Variants in KNDC1 observed in about 807,000 individuals in gnomAD.
The protein encoded by KNDC1 is kinase non-catalytic C-lobe domain containing 1.
KNDC1 carries 106 observed loss-of-function variants against 172.8 expected under a neutral mutation model. The ratio of observed to expected loss-of-function variants is 0.61; its 90% CI spans 0.52 to 0.72. The LOEUF (loss-of-function observed/expected upper bound fraction) is 0.72, where lower values mean the gene tolerates loss of function less well. Ranked by LOEUF, KNDC1 falls within the 30% of genes least tolerant of loss-of-function variation. The pLI is 0.00. For missense variants in KNDC1, 2,325 were observed against 2,394.5 expected (o/e 0.97, Z 0.61); for synonymous variants, 1,083 against 1,062.2 (o/e 1.02, Z -0.38).
In KNDC1 at chr10:133,160,290, C is replaced by T. The variant is rs1468142079; in HGVS notation, c.-178C>T. ...CAGCCCCCGCGCACCCCGCGCCCCC[C>T]GCGCCCCCCGGGCCCGCCCCGTATC... On this transcript the variant is annotated 5_prime_UTR_variant, in exon 1 of 30. Coordinates refer to ENST00000304613, the MANE Select transcript of KNDC1 (RefSeq NM_152643.8). Among the ~76,000 whole-genome samples the T allele has an allele frequency of 6.7e-6, 1 of 150,050 alleles. No individual in the cohort carries two copies. Among genetic ancestry groups the T allele is most frequent in the African/African-American group, 2.4e-5 (1 of 41,188 alleles).
At chr10:133,183,282 G>A (rs1853778701) in intron 3 of KNDC1, 62 bp from the exon 4 acceptor site, 1 of 1,487,768 alleles carries the variant, frequency 6.7e-7, no homozygotes, top group Admixed American at 2.3e-5. Context: ...GAGAAGTGCT[G>A]GCCGCGGTCG....
In KNDC1 at chr10:133,167,058, G is replaced by C. The variant is rs886979316; in HGVS notation, c.103-323G>C. On this transcript the variant is annotated intron_variant, in intron 1 of 29. Coordinates refer to ENST00000304613, the MANE Select transcript of KNDC1 (RefSeq NM_152643.8). ...AGGCCAGTCCAGCCGTGAGCCTGCG[G>C]GGTCGGGGTGCTCCACGGAGCAGGT... 20 of 415,750 alleles carry C rather than the reference G, an allele frequency of 4.8e-5. 1 individual carries two copies. In the South Asian group the frequency reaches 5.2e-4, roughly 11 times the overall value. The allele number at this position is 415,750 out of a possible 1,614,324, so 25.8% of individuals were successfully genotyped here.
chr10:133,168,255 C>T lies in KNDC1; in HGVS notation c.303C>T (p.Asp101=), dbSNP rs770540856. The T allele has an allele frequency of 3.5e-5, 56 of 1,613,916 alleles. No individual in the cohort carries two copies. In the South Asian group the frequency reaches 3.5e-4, roughly 10 times the overall value. The change falls in exon 3 of 30, where the codon GAC becomes GAT. Residue 101 remains aspartate, a splice_region_variant and synonymous_variant. Transcript: ENST00000304613. ...GNVCFMEQLS[D]DPEGAFVPPE... ...CTCCTTCTCTCTCTCCTCCCCAAGA[C>T]GACCCTGAGGGTGCCTTCGTTCCCC...
At chr10:133,178,185 G>A (rs771831863) in intron 3 of KNDC1, among the ~76,000 whole-genome samples, 6 of 151,866 alleles carry the variant, frequency 4.0e-5, no homozygotes, top group Non-Finnish European at 7.4e-5. Context: ...TAGCATGCAT[G>A]TGTGTGCAGT....
intron 11 of KNDC1, 27 bp from the exon 12 acceptor site, chr10:133,197,648 G>C: frequency 6.3e-7 from 1 of 1,577,406 alleles, no homozygotes; most frequent in Non-Finnish European, 8.7e-7. Flanking sequence ...GTGGTCACCT[G>C]GCCCAGGGCT....
intron 9 of KNDC1, among the ~76,000 whole-genome samples, chr10:133,194,563 C>G (rs1448916836): frequency 6.6e-6 from 1 of 152,116 alleles, no homozygotes; most frequent in Non-Finnish European, 1.5e-5. Flanking sequence ...GTAACAAGTG[C>G]TCAAAATGGG....
At chr10:133,190,291 G>A (rs111982175) in intron 9 of KNDC1, among the ~76,000 whole-genome samples, 4 of 133,692 alleles carry the variant, frequency 3.0e-5, no homozygotes, top group Admixed American at 7.0e-5. Context: ...AGCACCCTGC[G>A]CTAACCACCC....
chr10:133,223,948 TGTGA>T (rs145009394), intron 29 of KNDC1, among the ~76,000 whole-genome samples: 5,879 of 133,898 alleles, frequency 0.044, 342 homozygotes, highest in South Asian at 0.13. Flanking sequence ...TGTGTGTGTG[TGTGA>T]GCCCATCCAG....
intron 3 of KNDC1, 43 bp from the exon 4 acceptor site, chr10:133,183,301 C>T: frequency 6.5e-7 from 1 of 1,538,852 alleles, no homozygotes. Flanking sequence ...CGGGGTGGCG[C>T]ACACGCAGAG....
chr10:133,210,978 C>T (rs2136020482), intron 21 of KNDC1, among the ~76,000 whole-genome samples: 1 of 152,186 alleles, frequency 6.6e-6, no homozygotes, highest in Non-Finnish European at 1.5e-5. Context: ...GAGTCGGGGT[C>T]TCTTCCTGCT....
At position 133,163,249 on chromosome 10, in the gene KNDC1, G is replaced by A. The variant is rs749922837; in HGVS notation, c.102+2680G>A. Among the ~76,000 whole-genome samples the A allele has an allele frequency of 2.7e-4, 41 of 152,152 alleles. No homozygotes were observed. Among genetic ancestry groups the A allele is most frequent in the Non-Finnish European group, 5.6e-4 (38 of 68,036 alleles). ...ACCGGTTTGGGTGCCAGAGCAGGACGTGTCCCGGGTCCCTGAGAGGCAGGC... is the reference window on the plus strand; with the variant it reads ...ACCGGTTTGGGTGCCAGAGCAGGACATGTCCCGGGTCCCTGAGAGGCAGGC... On this transcript the variant is annotated intron_variant, in intron 1 of 29. Transcript: ENST00000304613. The surrounding 1 kb of genome is among the most constrained non-coding windows in gnomAD (Gnocchi z 4.4).
At position 133,198,932 on chromosome 10, in the gene KNDC1, CG is replaced by C; in HGVS notation, c.2429del (p.Gly810AlafsTer108). 1 of 1,561,996 alleles carries C rather than the reference CG, an allele frequency of 6.4e-7. No individual in the cohort carries two copies. Among genetic ancestry groups the C allele is most frequent in the South Asian group, 1.2e-5 (1 of 86,138 alleles). On this transcript the variant is annotated frameshift_variant, in exon 14 of 30. Transcript: ENST00000304613. LOFTEE classifies it high-confidence loss of function. ...AEPIPPGVASGGLRPDALGPT... is the reference protein window; with the variant it reads ...AEPIPPGVASXGLRPDALGPT... ...AGCCGATCCCACCTGGAGTTGCTTC[CG>C]GGGGCCTCAGGCCCGACGCCCTGGG...
intron 3 of KNDC1, among the ~76,000 whole-genome samples, chr10:133,171,604 C>A (rs748152159): frequency 6.6e-6 from 1 of 151,124 alleles, no homozygotes; most frequent in Non-Finnish European, 1.5e-5. Flanking sequence ...TTACATTTTT[C>A]TGTTTGTTTG....
chr10:133,188,700 T>A, intron 7 of KNDC1, 47 bp downstream of exon 7: 2 of 649,062 alleles, frequency 3.1e-6, no homozygotes, highest in Non-Finnish European at 4.1e-6. Context: ...CACCCCCCAC[T>A]GCTGTTCCAC....
At chr10:133,223,422 TGA>T (rs1379820349) in intron 29 of KNDC1, among the ~76,000 whole-genome samples, 1 of 20,958 alleles carries the variant, frequency 4.8e-5, no homozygotes, top group Non-Finnish European at 1.3e-4. Context: ...TGTGTGTGTG[TGA>T]GAGCCCATCC....
chr10:133,184,850 A>G (rs907605159), intron 5 of KNDC1, among the ~76,000 whole-genome samples: 2 of 152,254 alleles, frequency 1.3e-5, no homozygotes, highest in African/African-American at 2.4e-5. Flanking sequence ...GCATTTCAAT[A>G]AACGGATGGG....
chr10:133,167,414 CG>C lies in KNDC1; in HGVS notation c.139del (p.Asp47ThrfsTer68). ...GTCTCTGGCTGACATCCTCTCCCTG[CG>C]GGACCGCGGCCTCAGCGAGCAGGAA... ...NVSLADILSL[R>X]DRGLSEQEAW... is the part of the protein sequence containing the mutation. On this transcript the variant is annotated frameshift_variant, in exon 2 of 30. Coordinates refer to ENST00000304613, the MANE Select transcript of KNDC1 (RefSeq NM_152643.8). LOFTEE classifies it high-confidence loss of function. 1 of 1,600,126 alleles carries C rather than the reference CG, an allele frequency of 6.2e-7. No homozygotes were observed. Among genetic ancestry groups the C allele is most frequent in the Non-Finnish European group, 8.5e-7 (1 of 1,175,066 alleles).
chr10:133,179,093 C>G (rs1853640364), intron 3 of KNDC1: 1 of 152,250 alleles, frequency 6.6e-6, no homozygotes. Flanking sequence ...ATTCGCACGT[C>G]TTTGATGGGA....
chr10:133,202,664 T>C (rs1465274179), intron 17 of KNDC1: 1 of 456,542 alleles, frequency 2.2e-6, no homozygotes, highest in African/African-American at 2.0e-5. Flanking sequence ...CTGGGGCTCC[T>C]CCTTGCTCCT....
Sources: gnomAD v4.1 joint callset for allele counts (sites outside exome capture counted in the v4.1 genomes callset) on GRCh38, gnomAD v4.1.1 for gene constraint, Gnocchi (gnomAD v3.1) non-coding constraint, MANE v1.5 for transcripts, NCBI Gene and HGNC (gene_info 2026-07-23, HGNC 2026-07-21) for gene names.